The following MAPKBP1 variants were observed in gnomAD, a reference collection of about 807,000 sequenced individuals.
The protein encoded by MAPKBP1 is mitogen-activated protein kinase binding protein 1, also known as mitogen-activated protein kinase-binding protein 1.
A neutral mutation model predicts 170.5 loss-of-function variants in MAPKBP1; 71 were observed. The ratio of observed to expected loss-of-function variants is 0.42; its 90% CI spans 0.34 to 0.51. The LOEUF (loss-of-function observed/expected upper bound fraction) is 0.51. Among genes scored for constraint, MAPKBP1 ranks in the 20% least tolerant of loss-of-function variants. The pLI is 0.06. For synonymous variants in MAPKBP1, 719 were observed against 757.9 expected (o/e 0.95, Z 0.84); for missense variants, 1,598 against 1,933.0 (o/e 0.83, Z 3.25).
intron 2 of MAPKBP1, among the ~76,000 whole-genome samples, chr15:41,785,916 A>C (rs2064278708): frequency 6.6e-6 from 1 of 152,206 alleles, no homozygotes. Flanking sequence ...AGACACTCAT[A>C]CTGCACGAAG....
Position 41,775,381 on chromosome 15 carries a change from A to G in MAPKBP1, c.106A>G (p.Ser36Gly). 2 of 1,613,312 alleles carry G rather than the reference A, an allele frequency of 1.2e-6. No homozygotes were observed. The highest frequency in any genetic ancestry group is 1.7e-6 in the Non-Finnish European group (2 of 1,179,184). Reference sequence around the variant, plus strand: ...GGCAGGAAACCGACGAGAGGACCTCAGCTCCAAGGTGAGTCCTGTTGGGAT... The same window carrying G: ...GGCAGGAAACCGACGAGAGGACCTCGGCTCCAAGGTGAGTCCTGTTGGGAT... ...SKAGNRREDL[S>G]SKVTLEKVLG... The change falls in exon 2 of 31, where the codon AGC becomes GGC. Residue 36 changes from serine (S) to glycine (G), a missense_variant. Physicochemically the swap from Ser to Gly is moderately conservative, Grantham distance 56 (BLOSUM62 0). Around this residue, in one of 6 missense-constraint regions of MAPKBP1, gnomAD observed 151 missense variants for 191.4 expected, o/e 0.79. Coordinates refer to ENST00000457542, the MANE Select transcript of MAPKBP1 (RefSeq NM_014994.3).
chr15:41,784,789 A>AG (rs1173523902), intron 2 of MAPKBP1, among the ~76,000 whole-genome samples: 1 of 150,806 alleles, frequency 6.6e-6, no homozygotes, highest in Admixed American at 6.6e-5. Flanking sequence ...TCAAAAAAAA[A>AG]AAAAAAAAAA....
intron 3 of MAPKBP1, chr15:41,810,574 G>T: frequency 9.2e-6 from 3 of 325,992 alleles, no homozygotes; most frequent in Admixed American, 4.5e-5. Flanking sequence ...ACAAAGATTA[G>T]CTTGCATGGT....
At chr15:41,777,427 A>T (rs898239762) in intron 2 of MAPKBP1, among the ~76,000 whole-genome samples, 3 of 152,066 alleles carry the variant, frequency 2.0e-5, no homozygotes, top group African/African-American at 7.2e-5. Flanking sequence ...GCTCTCCAGG[A>T]AAACAGTGGA....
chr15:41,819,572 T>G (rs2064958040), intron 21 of MAPKBP1, 23 bp from the exon 22 acceptor site: 1 of 1,512,526 alleles, frequency 6.6e-7, no homozygotes, highest in Admixed American at 1.7e-5. Flanking sequence ...AGACACTTCC[T>G]CTGACTGCCT....
In MAPKBP1 at chr15:41,822,295, TGAAGAAGAG is replaced by T. The variant is rs761681150; in HGVS notation, c.3114_3122del (p.Glu1039_Glu1041del). 6.2e-6 allele frequency: 10 copies of T among 1,613,918 alleles called. No homozygotes were observed. Among genetic ancestry groups the T allele is most frequent in the East Asian group, 2.2e-5 (1 of 44,854 alleles). On this transcript the variant is annotated inframe_deletion, in exon 26 of 31. Coordinates refer to ENST00000457542, the MANE Select transcript of MAPKBP1 (RefSeq NM_014994.3). ...ACCTTGAAGAGCCAGCTGAGGGTGA[TGAAGAAGAG>T]GAAGAAGAGGAGGGAGGCATGGGCC...
At chr15:41,796,995 A>C (rs2064502316) in intron 2 of MAPKBP1, among the ~76,000 whole-genome samples, 1 of 152,218 alleles carries the variant, frequency 6.6e-6, no homozygotes, top group South Asian at 2.1e-4. Flanking sequence ...TTTCAGTTTT[A>C]TGCATATGCA....
At chr15:41,779,525 TG>T (rs1238633595) in intron 2 of MAPKBP1, among the ~76,000 whole-genome samples, 6 of 152,058 alleles carry the variant, frequency 3.9e-5, no homozygotes, top group Non-Finnish European at 8.8e-5. Context: ...TTTTGTTTTT[TG>T]TAGAGACAGA....
intron 30 of MAPKBP1, 172 bp from the exon 31 acceptor site, chr15:41,825,037 G>A (rs113534849): frequency 1.9e-5 from 11 of 572,676 alleles, no homozygotes; most frequent in South Asian, 1.7e-4. Flanking sequence ...CTCCTTGGGC[G>A]TCACCCCCAG....
Position 41,813,638 on chromosome 15 carries a change from C to T in MAPKBP1, c.837C>T (p.Cys279=). ...WVELRTTVAH[C]ISVSQDYIFC... ...GCCCACAGACCACAGTGGCCCACTGCATCTCTGTGAGCCAAGACTACATCT... is the reference window on the plus strand; with the variant it reads ...GCCCACAGACCACAGTGGCCCACTGTATCTCTGTGAGCCAAGACTACATCT... The change falls in exon 9 of 31, where the codon TGC becomes TGT. Residue 279 remains cysteine (C), a synonymous_variant. Coordinates refer to ENST00000457542, the MANE Select transcript of MAPKBP1 (RefSeq NM_014994.3). The T allele has an allele frequency of 6.2e-7, 1 of 1,614,036 alleles. No homozygotes were observed. Among genetic ancestry groups the T allele is most frequent in the Admixed American group, 1.7e-5 (1 of 59,990 alleles).
chr15:41,792,154 C>T (rs982599179), intron 2 of MAPKBP1, among the ~76,000 whole-genome samples: 1 of 150,690 alleles, frequency 6.6e-6, no homozygotes, highest in Non-Finnish European at 1.5e-5. Flanking sequence ...CTGTTTTTTC[C>T]ATCTACTTTA....
intron 2 of MAPKBP1, among the ~76,000 whole-genome samples, chr15:41,788,078 C>T (rs1005675936): frequency 6.6e-6 from 1 of 152,092 alleles, no homozygotes; most frequent in African/African-American, 2.4e-5. Context: ...TTGCCTCAGC[C>T]TCCCAAGTAG....
At chr15:41,786,777 A>AAAAAT in intron 2 of MAPKBP1, among the ~76,000 whole-genome samples, 21 of 32,444 alleles carry the variant, frequency 6.5e-4, no homozygotes, top group African/African-American at 2.4e-3. Context: ...AAAAAAAAAA[A>AAAAAT]ATATATATAT....
Position 41,823,794 on chromosome 15 carries a change from C to G in MAPKBP1, c.3946C>G (p.Pro1316Ala). The G allele has an allele frequency of 4.3e-6, 7 of 1,614,150 alleles. No homozygotes were observed. The highest frequency in any genetic ancestry group is 5.9e-6 in the Non-Finnish European group (7 of 1,180,026). Reference protein sequence around the residue: ...AFSPVTKGRAPGEAEKPGFPV... With the variant: ...AFSPVTKGRAAGEAEKPGFPV... Reference sequence around the variant, plus strand: ...CTCTCCTGTCACCAAAGGCCGGGCCCCTGGCGAGGCAGAAAAGCCTGGCTT... The same window carrying G: ...CTCTCCTGTCACCAAAGGCCGGGCCGCTGGCGAGGCAGAAAAGCCTGGCTT... Residue 1316 changes from proline to alanine, a missense_variant, in exon 29 of 31, where the codon CCT (proline) becomes GCT (alanine). Coordinates refer to ENST00000457542, the MANE Select transcript of MAPKBP1 (RefSeq NM_014994.3).
At position 41,813,778 on chromosome 15, in the gene MAPKBP1, C is replaced by T; in HGVS notation, c.977C>T (p.Ala326Val). The T allele has an allele frequency of 1.3e-6, 2 of 1,590,076 alleles. No individual in the cohort carries two copies. Among genetic ancestry groups the T allele is most frequent in the Admixed American group, 1.8e-5 (1 of 55,256 alleles). Residue 326 changes from alanine (A) to valine (V), a missense_variant, in exon 9 of 31, where the codon GCC (alanine) becomes GTC (valine). Transcript: ENST00000457542. ...ACAGACATTGCTAGCGTCACCGAGG[C>T]CAGGTGAGCTATGTGGGCCCCCCTT... is the stretch of plus-strand genomic sequence containing the variant. ...LGTDIASVTE[A>V]SRLFSGVANA...
intron 2 of MAPKBP1, among the ~76,000 whole-genome samples, chr15:41,783,008 G>A (rs1051323024): frequency 6.6e-6 from 1 of 152,124 alleles, no homozygotes; most frequent in Admixed American, 6.5e-5. Flanking sequence ...TGCAACCTTG[G>A]TTCTGTGGGT....
At chr15:41,776,542 CATT>C (rs1237469403) in intron 2 of MAPKBP1, among the ~76,000 whole-genome samples, 4 of 152,194 alleles carry the variant, frequency 2.6e-5, no homozygotes, top group Non-Finnish European at 4.4e-5. Flanking sequence ...TCTTATTCAT[CATT>C]GTTTCTATTC....
At position 41,785,423 on chromosome 15, in the gene MAPKBP1, A is replaced by T. The variant is rs75179341; in HGVS notation, c.114+10034A>T. On this transcript the variant is annotated intron_variant, in intron 2 of 30. Coordinates refer to ENST00000457542, the MANE Select transcript of MAPKBP1 (RefSeq NM_014994.3). ...CTATGATTTTGGGGGGAATTTTTTTAAAATGTCAAACCAGTGAACTCCAGG... is the reference window on the plus strand; with the variant it reads ...CTATGATTTTGGGGGGAATTTTTTTTAAATGTCAAACCAGTGAACTCCAGG... 4.1e-3 allele frequency among the ~76,000 whole-genome samples: 624 copies of T among 152,288 alleles called. 5 individuals are homozygous for T. Among genetic ancestry groups the T allele is most frequent in the African/African-American group, 0.014 (583 of 41,564 alleles).
chr15:41,819,157 T>G, intron 20 of MAPKBP1, 89 bp from the exon 21 acceptor site: 1 of 1,508,032 alleles, frequency 6.6e-7, no homozygotes, highest in Non-Finnish European at 9.1e-7. Context: ...CTTCCCCTCA[T>G]TGAGTCTCCT....
Sources: allele counts gnomAD v4.1 joint callset (sites outside exome capture counted in the v4.1 genomes callset), GRCh38; gene constraint gnomAD v4.1.1; regional missense constraint gnomAD v4.1.1; transcripts MANE v1.5; gene names NCBI Gene and HGNC (gene_info 2026-07-23, HGNC 2026-07-21).